Variants in STK33 observed in about 807,000 individuals in gnomAD.
The protein encoded by STK33 is serine/threonine-protein kinase 33.
A neutral mutation model predicts 58.0 loss-of-function variants in STK33; 52 were observed. That is an observed-to-expected ratio of 0.90 (90% CI 0.72 to 1.13). The LOEUF is 1.13. Ranked by LOEUF, STK33 falls within the 50% of genes most tolerant of loss-of-function variation. STK33 has a pLI of 0.00. For missense variants in STK33, 630 were observed against 604.2 expected (o/e 1.04, Z -0.45); for synonymous variants, 215 against 200.1 (o/e 1.07, Z -0.63).
At chr11:8,520,555 T>C (rs1365561416) in intron 1 of STK33, among the ~76,000 whole-genome samples, 2 of 152,148 alleles carry the variant, frequency 1.3e-5, no homozygotes, top group Admixed American at 1.3e-4. Flanking sequence ...AGTCAAACTG[T>C]CCCTGTTTGC....
chr11:8,566,167 T>C (rs1488227290), intron 1 of STK33, among the ~76,000 whole-genome samples: 1 of 152,242 alleles, frequency 6.6e-6, no homozygotes, highest in African/African-American at 2.4e-5. Context: ...TAATTAATTA[T>C]ATTTTATCCT....
chr11:8,379,980 T>C, the STK33 span, among the ~76,000 whole-genome samples: 2 of 152,164 alleles, frequency 1.3e-5, no homozygotes, highest in African/African-American at 2.4e-5. Flanking sequence ...TGTGGCTCCA[T>C]AGTATTCCAT....
the STK33 span, among the ~76,000 whole-genome samples, chr11:8,345,013 C>T: frequency 2.0e-5 from 3 of 152,300 alleles, no homozygotes; most frequent in East Asian, 1.9e-4. Context: ...ATCAGCTCAA[C>T]GTCCCCAGCA....
intron 15 of STK33, among the ~76,000 whole-genome samples, chr11:8,407,423 T>C (rs1450769400): frequency 6.6e-6 from 1 of 152,134 alleles, no homozygotes; most frequent in Admixed American, 6.5e-5. Flanking sequence ...TTATTTCTTC[T>C]TCAAAGATTT....
In STK33 at chr11:8,452,837, T is replaced by A; in HGVS notation, c.856A>T (p.Thr286Ser). 6.2e-7 allele frequency: 1 copy of A among 1,613,762 alleles called. No individual in the cohort carries two copies. Among genetic ancestry groups the A allele is most frequent in the South Asian group, 1.1e-5 (1 of 91,054 alleles). ...ACTAACTTACCCATATAGATAGGAG[T>A]CCCACATGTGGCCTGCAGCATGGCT... The part of the protein sequence containing the change: ...SEAMLQATCG[T>S]PIYMAPEVIS... The change falls in exon 11 of 16, where the codon ACT becomes TCT. Residue 286 changes from threonine (T) to serine (S), a missense_variant. Coordinates refer to ENST00000687296, the MANE Select transcript of STK33 (RefSeq NM_001352389.2).
the STK33 span, among the ~76,000 whole-genome samples, chr11:8,335,874 T>C: frequency 6.6e-6 from 1 of 152,226 alleles, no homozygotes; most frequent in Non-Finnish European, 1.5e-5. Flanking sequence ...GCTCAATTCC[T>C]ACGAGCCAAG....
intron 1 of STK33, among the ~76,000 whole-genome samples, chr11:8,516,594 G>T (rs370018940): frequency 6.6e-6 from 1 of 152,214 alleles, no homozygotes; most frequent in Non-Finnish European, 1.5e-5. Flanking sequence ...AAGGGAAGCC[G>T]TGATAGATGG....
At chr11:8,462,334 GA>G (rs566224457) in intron 7 of STK33, among the ~76,000 whole-genome samples, 1 of 149,646 alleles carries the variant, frequency 6.7e-6, no homozygotes, top group African/African-American at 2.5e-5. Context: ...AATTGAGGAA[GA>G]AAAAAAACAA....
chr11:8,425,736 C>A (rs1175097518), intron 14 of STK33, among the ~76,000 whole-genome samples: 1 of 151,968 alleles, frequency 6.6e-6, no homozygotes, highest in Non-Finnish European at 1.5e-5. Context: ...TATTTTAAAC[C>A]AATGTACTTG....
intron 13 of STK33, 75 bp downstream of exon 13, chr11:8,435,952 A>C (rs1359744411): frequency 2.5e-6 from 2 of 814,682 alleles, no homozygotes. Context: ...AGAGATTTAA[A>C]ACATTTTAAC....
In STK33 at chr11:8,392,240, C is replaced by G. The variant is rs1448321534; in HGVS notation, c.*270G>C. 1 of 459,300 alleles carries G rather than the reference C, an allele frequency of 2.2e-6. No individual in the cohort carries two copies. Among genetic ancestry groups the G allele is most frequent in the Admixed American group, 3.8e-5 (1 of 26,038 alleles). 28.5% of individuals were successfully genotyped at this position (459,300 alleles called of 1,614,324 possible). ...GCCTTAAATTGAAGGTATCTGCCCC[C>G]CTAAAAAACCTTCGTGTACATCTTG... On this transcript the variant is annotated 3_prime_UTR_variant, in exon 16 of 16. Coordinates refer to ENST00000687296, the MANE Select transcript of STK33 (RefSeq NM_001352389.2).
downstream of STK33, among the ~76,000 whole-genome samples, chr11:8,391,040 C>T (rs58795780): frequency 2.6e-5 from 4 of 152,156 alleles, no homozygotes; most frequent in African/African-American, 7.2e-5. Context: ...TTCTCCCCGC[C>T]GGAGGTGACG....
chr11:8,436,841 G>A (rs1011173520), intron 12 of STK33, among the ~76,000 whole-genome samples: 1 of 152,144 alleles, frequency 6.6e-6, no homozygotes, highest in African/African-American at 2.4e-5. Context: ...GGGATTACAG[G>A]CACGCACCAC....
At chr11:8,424,020 G>T (rs192353990) in intron 14 of STK33, among the ~76,000 whole-genome samples, 2 of 151,616 alleles carry the variant, frequency 1.3e-5, no homozygotes, top group Non-Finnish European at 2.9e-5. Context: ...TAAGTTTTAG[G>T]GTACATGTGC....
At chr11:8,578,351 C>G (rs1465075195) in intron 1 of STK33, among the ~76,000 whole-genome samples, 1 of 151,866 alleles carries the variant, frequency 6.6e-6, no homozygotes, top group Non-Finnish European at 1.5e-5. Context: ...TACTGGAAAA[C>G]ATTCAAATAC....
the STK33 span, among the ~76,000 whole-genome samples, chr11:8,352,463 C>T: frequency 6.6e-6 from 1 of 152,114 alleles, no homozygotes; most frequent in Non-Finnish European, 1.5e-5. Flanking sequence ...ACAGGCTCTC[C>T]TAGGGGCCAG....
chr11:8,359,012 C>T, the STK33 span, among the ~76,000 whole-genome samples: 27 of 152,196 alleles, frequency 1.8e-4, no homozygotes, highest in Non-Finnish European at 2.9e-4. Flanking sequence ...CTACCCAACA[C>T]GCACAGCCTG....
At chr11:8,539,838 T>C (rs952449709) in intron 1 of STK33, among the ~76,000 whole-genome samples, 1 of 152,194 alleles carries the variant, frequency 6.6e-6, no homozygotes, top group South Asian at 2.1e-4. Flanking sequence ...GGAGCTAATG[T>C]AAATGCTAAG....
intron 1 of STK33, among the ~76,000 whole-genome samples, chr11:8,498,341 T>C (rs1197291684): frequency 6.6e-6 from 1 of 152,086 alleles, no homozygotes; most frequent in Non-Finnish European, 1.5e-5. Flanking sequence ...CATTCACAAT[T>C]GCTACAAAGA....
Sources: allele counts gnomAD v4.1 joint callset (sites outside exome capture counted in the v4.1 genomes callset), GRCh38; gene constraint gnomAD v4.1.1; transcripts MANE v1.5; gene names NCBI Gene and HGNC (gene_info 2026-07-23, HGNC 2026-07-21).